The following DOCK1 variants were observed in gnomAD, a reference collection of about 807,000 sequenced individuals.
DOCK1 encodes dedicator of cytokinesis protein 1.
Under a neutral mutation model 262.7 loss-of-function variants are expected in DOCK1, and 138 were observed. That is an observed-to-expected ratio of 0.53 (90% confidence interval 0.46 to 0.61). The LOEUF is 0.61. DOCK1 is among the 20% of genes least tolerant of loss of function. DOCK1 has a pLI of 0.00. For synonymous variants in DOCK1, 866 were observed against 867.4 expected (o/e 1.00, Z 0.03); for missense variants, 1,908 against 2,370.7 (o/e 0.80, Z 4.05).
intron 27 of DOCK1, among the ~76,000 whole-genome samples, chr10:127,172,606 G>C (rs548180837): frequency 1.3e-5 from 2 of 152,312 alleles, no homozygotes; most frequent in Admixed American, 6.5e-5. Flanking sequence ...GAATTTTGGA[G>C]CCCATAAGGT....
At position 126,919,297 on chromosome 10, in the gene DOCK1, A is replaced by G. The variant is rs72832569; in HGVS notation, c.46+13734A>G. On this transcript the variant is annotated intron_variant, in intron 1 of 51. Coordinates refer to ENST00000623213, the MANE Select transcript of DOCK1 (RefSeq NM_001290223.2). Reference sequence around the variant, plus strand: ...TAACTTATTTTCTTTAACATAATTGACTTCACCAGAGGCAAATACCGATTT... The same window carrying G: ...TAACTTATTTTCTTTAACATAATTGGCTTCACCAGAGGCAAATACCGATTT... Among the ~76,000 whole-genome samples the G allele has an allele frequency of 2.6e-3, 391 of 152,326 alleles. 3 individuals carry two copies. The highest frequency in any genetic ancestry group is 3.3e-3 in the Non-Finnish European group (224 of 68,034).
rs893637146 is a variant in DOCK1 at position 127,031,804 on chromosome 10, T to A, written c.1728+51T>A. 7.8e-6 allele frequency: 12 copies of A among 1,538,266 alleles called. No homozygotes were observed. In the South Asian group the frequency reaches 1.4e-4, roughly 18 times the overall value. On this transcript the variant is annotated intron_variant, in intron 17 of 51. Transcript: ENST00000623213. ...TGCTGCTATAGACAGTTTCAGTCTT[T>A]TCTGGGCTCCCTGACCTGGACCAAC...
At chr10:127,299,802 G>C (rs1476823182) in intron 29 of DOCK1, among the ~76,000 whole-genome samples, 1 of 152,182 alleles carries the variant, frequency 6.6e-6, no homozygotes, top group Non-Finnish European at 1.5e-5. Flanking sequence ...TGATCAGCGA[G>C]AGGCTTAGGA....
intron 44 of DOCK1, 34 bp from the exon 45 acceptor site, chr10:127,418,331 G>A: frequency 1.3e-6 from 2 of 1,570,188 alleles, no homozygotes; most frequent in East Asian, 2.3e-5. Flanking sequence ...AGGCAGCTGT[G>A]GGGCTGACAT....
At chr10:126,942,068 A>G (rs2035052266) in intron 1 of DOCK1, among the ~76,000 whole-genome samples, 2 of 151,246 alleles carry the variant, frequency 1.3e-5, no homozygotes, top group South Asian at 4.2e-4. Flanking sequence ...TCTGTCGCCC[A>G]GGCTGGAGTG....
chr10:127,357,158 G>A (rs944900125), intron 32 of DOCK1, among the ~76,000 whole-genome samples: 9 of 152,130 alleles, frequency 5.9e-5, no homozygotes, highest in African/African-American at 2.2e-4. Context: ...TAGCACCAAG[G>A]GAGCCTCTAA....
chr10:127,160,191 A>G (rs1016248517), intron 27 of DOCK1, among the ~76,000 whole-genome samples: 1 of 152,224 alleles, frequency 6.6e-6, no homozygotes, highest in Non-Finnish European at 1.5e-5. Flanking sequence ...AGACCGAGAA[A>G]GTGACAAGCA....
At chr10:127,408,386 T>C (rs759767908) in intron 40 of DOCK1, among the ~76,000 whole-genome samples, 9 of 152,182 alleles carry the variant, frequency 5.9e-5, no homozygotes, top group Admixed American at 1.3e-4. Flanking sequence ...ACATTCTGAA[T>C]GCAGGAAGGG....
chr10:127,024,673 C>G lies in DOCK1; in HGVS notation c.1453-12C>G, dbSNP rs763067721. On this transcript the variant is annotated splice_polypyrimidine_tract_variant and intron_variant, in intron 14 of 51. Coordinates refer to ENST00000623213, the MANE Select transcript of DOCK1 (RefSeq NM_001290223.2). ...GAGGTCTTACGTGAGCTCTTTATGTCTTCTTTTAAAGCATGTGATTTTCCC... is the reference window on the plus strand; with the variant it reads ...GAGGTCTTACGTGAGCTCTTTATGTGTTCTTTTAAAGCATGTGATTTTCCC... 1 of 1,603,142 alleles carries G rather than the reference C, an allele frequency of 6.2e-7. No individual in the cohort carries two copies. The highest frequency in any genetic ancestry group is 8.5e-7 in the Non-Finnish European group (1 of 1,174,702).
chr10:127,398,032 T>C (rs558445827), intron 38 of DOCK1, among the ~76,000 whole-genome samples: 11 of 152,266 alleles, frequency 7.2e-5, no homozygotes, highest in African/African-American at 2.6e-4. Context: ...CTGTGTGACA[T>C]GCAGTGGCTC....
At chr10:127,292,424 A>T (rs1205059510) in intron 29 of DOCK1, among the ~76,000 whole-genome samples, 2 of 152,228 alleles carry the variant, frequency 1.3e-5, no homozygotes, top group Middle Eastern at 3.4e-3. Context: ...TGAGAAGTGG[A>T]AGAGTGTGAA....
chr10:127,320,925 CCT>C (rs2062491158), intron 29 of DOCK1, among the ~76,000 whole-genome samples: 1 of 152,088 alleles, frequency 6.6e-6, no homozygotes. Context: ...ACTGTGGACA[CCT>C]CTGTTTTGTC....
At chr10:127,262,076 G>GT (rs570666494) in intron 29 of DOCK1, among the ~76,000 whole-genome samples, 7,241 of 143,090 alleles carry the variant, frequency 0.051, 385 homozygotes, top group Non-Finnish European at 0.06. Context: ...GTGTGCATGT[G>GT]GGTGTGTGTG....
At chr10:126,935,900 T>G (rs2034529717) in intron 1 of DOCK1, among the ~76,000 whole-genome samples, 1 of 152,258 alleles carries the variant, frequency 6.6e-6, no homozygotes. Flanking sequence ...GGCTGAAATG[T>G]GTAAACTGCA....
intron 1 of DOCK1, among the ~76,000 whole-genome samples, chr10:126,918,861 C>T (rs2032824492): frequency 6.6e-6 from 1 of 151,918 alleles, no homozygotes; most frequent in South Asian, 2.1e-4. Context: ...ACCCCAACGA[C>T]TTGGTCTGGC....
At chr10:127,282,041 A>G (rs1252036840) in intron 29 of DOCK1, among the ~76,000 whole-genome samples, 1 of 152,166 alleles carries the variant, frequency 6.6e-6, no homozygotes, top group Admixed American at 6.5e-5. Flanking sequence ...CTGTGCATAA[A>G]TCTCATGTTT....
intron 29 of DOCK1, among the ~76,000 whole-genome samples, chr10:127,319,719 G>A (rs2062435822): frequency 6.6e-6 from 1 of 152,224 alleles, no homozygotes; most frequent in East Asian, 1.9e-4. Flanking sequence ...GTGTGAAAGT[G>A]GCTTTTGGGC....
intron 38 of DOCK1, among the ~76,000 whole-genome samples, chr10:127,387,154 G>A (rs1285175381): frequency 6.6e-6 from 1 of 152,174 alleles, no homozygotes; most frequent in Non-Finnish European, 1.5e-5. Flanking sequence ...CTCTCTTTGT[G>A]GCAGCACATC....
intron 10 of DOCK1, among the ~76,000 whole-genome samples, chr10:127,004,752 CAACGGCCCCCTGCCCCG>C (rs2040867134): frequency 8.0e-6 from 1 of 125,772 alleles, no homozygotes. Flanking sequence ...CTGTCCCCCC[CAACGGCCCCCTGCCCCG>C]CCACCCCCCC....
Sources: allele counts gnomAD v4.1 joint callset (sites outside exome capture counted in the v4.1 genomes callset), GRCh38; gene constraint gnomAD v4.1.1; transcripts MANE v1.5; gene names NCBI Gene and HGNC (gene_info 2026-07-23, HGNC 2026-07-21).